SLC6A13: variants seen among roughly 807,000 people sequenced by gnomAD.
The protein encoded by SLC6A13 is sodium- and chloride-dependent GABA transporter 2.
In SLC6A13, 69 loss-of-function variants were observed where a neutral mutation model predicts 72.9. That is an observed-to-expected ratio of 0.95 (90% confidence interval 0.78 to 1.16). SLC6A13 has a LOEUF of 1.16. Ranked by LOEUF, SLC6A13 falls within the 50% of genes most tolerant of loss-of-function variation. The probability of loss-of-function intolerance (pLI) is 0.00; values close to 1 mark genes in which losing one functional copy is unlikely to be tolerated. For missense variants in SLC6A13, 735 were observed against 760.5 expected, an observed-to-expected ratio of 0.97 and a Z score of 0.39; for synonymous variants, 303 against 303.0, an observed-to-expected ratio of 1.00 and a Z score of 0.00.
intron 5 of SLC6A13, among the ~76,000 whole-genome samples, chr12:237,577 T>A (rs954887310): frequency 1.3e-5 from 2 of 151,802 alleles, no homozygotes; most frequent in African/African-American, 2.4e-5. Flanking sequence ...ACAGCAGGAC[T>A]CTTGCCCTGG....
chr12:241,997 C>T (rs1204358191), intron 4 of SLC6A13, among the ~76,000 whole-genome samples: 5 of 152,182 alleles, frequency 3.3e-5, no homozygotes, highest in African/African-American at 9.7e-5. Context: ...CTACAGTGTT[C>T]GGCACAGTAT....
chr12:236,932 C>T (rs1941953075), intron 6 of SLC6A13: 7 of 493,184 alleles, frequency 1.4e-5, no homozygotes, highest in Non-Finnish European at 2.2e-5. Context: ...GATCAGATTA[C>T]CCTGGAGGTG....
At chr12:244,239 T>C (rs1023543057) in intron 2 of SLC6A13, among the ~76,000 whole-genome samples, 1 of 152,214 alleles carries the variant, frequency 6.6e-6, no homozygotes, top group African/African-American at 2.4e-5. Context: ...CTTTCAGTCA[T>C]TGTTATGGTT....
At chr12:232,144 G>A (rs1429743310) in intron 7 of SLC6A13, among the ~76,000 whole-genome samples, 2 of 152,200 alleles carry the variant, frequency 1.3e-5, no homozygotes, top group Non-Finnish European at 2.9e-5. Flanking sequence ...CTAGTTGTTA[G>A]CTACAAATAG....
chr12:239,393 G>T (rs571518882), intron 4 of SLC6A13, among the ~76,000 whole-genome samples: 3 of 151,898 alleles, frequency 2.0e-5, no homozygotes, highest in African/African-American at 7.3e-5. Flanking sequence ...GTTAGATGCC[G>T]TGCCTCCTCA....
chr12:253,298 G>C (rs140121912), intron 2 of SLC6A13: 1 of 152,330 alleles, frequency 6.6e-6, no homozygotes, highest in East Asian at 1.9e-4. Flanking sequence ...AGCAACAGAA[G>C]AGCGAGGAGC....
intron 3 of SLC6A13, among the ~76,000 whole-genome samples, 168 bp downstream of exon 3, chr12:243,511 G>A (rs1942241954): frequency 1.3e-5 from 2 of 152,200 alleles, no homozygotes; most frequent in African/African-American, 4.8e-5. Flanking sequence ...CCCATTCTCT[G>A]ATAGATCAGC....
At chr12:235,915 G>C (rs963333017) in intron 6 of SLC6A13, among the ~76,000 whole-genome samples, 2 of 152,146 alleles carry the variant, frequency 1.3e-5, no homozygotes, top group South Asian at 4.1e-4. Flanking sequence ...TAAGGACTGA[G>C]ATATGCCCTG....
chr12:231,430 A>G (rs1941704174), intron 7 of SLC6A13, among the ~76,000 whole-genome samples: 1 of 152,136 alleles, frequency 6.6e-6, no homozygotes, highest in Non-Finnish European at 1.5e-5. Context: ...GAATGATCAC[A>G]CTTCCTGGGG....
intron 7 of SLC6A13, among the ~76,000 whole-genome samples, chr12:228,962 T>G (rs566981853): frequency 6.6e-6 from 1 of 152,156 alleles, no homozygotes; most frequent in Admixed American, 6.5e-5. Context: ...AGGGCACCCA[T>G]CCTCTCATCA....
chr12:223,078 C>T lies in SLC6A13; in HGVS notation c.1414+54G>A, dbSNP rs1941283565. 20 of 1,140,498 alleles carry T rather than the reference C, an allele frequency of 1.8e-5. No individual in the cohort carries two copies. The South Asian group carries it at 2.2e-4, about 12-fold the overall frequency. The allele number at this position is 1,140,498 out of a possible 1,614,324, so 70.6% of individuals were successfully genotyped here. A position where few individuals can be genotyped will look rare whatever the true frequency, so the allele number is the denominator to read the frequency against. On this transcript the variant is annotated intron_variant, in intron 12 of 14. Transcript: ENST00000343164. ...GATGTCTGTTTCGTGTCTAAGGACC[C>T]CAAGACCCTTAGACAAGAGGAGGAT...
intron 11 of SLC6A13, among the ~76,000 whole-genome samples, chr12:223,473 G>T (rs1358383387): frequency 1.3e-5 from 2 of 152,184 alleles, no homozygotes; most frequent in Non-Finnish European, 2.9e-5. Flanking sequence ...GCTATTGTTA[G>T]ATTACATCTG....
At chr12:259,644 C>T (rs1264341689) in intron 2 of SLC6A13, 1 of 1,431,582 alleles carries the variant, frequency 7.0e-7, no homozygotes, top group Admixed American at 2.8e-5. Flanking sequence ...TCTACGATGC[C>T]ACGTTATAAT....
intron 9 of SLC6A13, among the ~76,000 whole-genome samples, chr12:225,891 A>G (rs1401753761): frequency 1.3e-5 from 2 of 152,236 alleles, no homozygotes; most frequent in Non-Finnish European, 2.9e-5. Flanking sequence ...ATAGCACTGC[A>G]TGGTGGAAAG....
In SLC6A13 at chr12:259,846, C is replaced by G. The variant is rs751246426; in HGVS notation, c.202+5G>C. On this transcript the variant is annotated splice_donor_5th_base_variant and intron_variant, in intron 2 of 14. Coordinates refer to ENST00000343164, the MANE Select transcript of SLC6A13 (RefSeq NM_016615.5). ...GGTGGGGTGGCACAAGGGCTCTCAT[C>G]TCACCTCCCCCATTTTTGTAGCAGA... The G allele has an allele frequency of 1.2e-6, 2 of 1,614,196 alleles. No homozygotes were observed. The highest frequency in any genetic ancestry group is 2.2e-5 in the South Asian group (2 of 91,088).
In SLC6A13 at chr12:221,533, A is replaced by G; in HGVS notation, c.1529T>C (p.Phe510Ser). 2 of 1,594,740 alleles carry G rather than the reference A, an allele frequency of 1.3e-6. No homozygotes were observed. The highest frequency in any genetic ancestry group is 1.7e-6 in the Non-Finnish European group (2 of 1,169,282). Residue 510 changes from phenylalanine (F) to serine (S), a missense_variant, in exon 14 of 15, where the codon TTC (phenylalanine) becomes TCC (serine). Physicochemically the swap from Phe to Ser is radical, Grantham distance 155 (BLOSUM62 -2). Transcript: ENST00000343164. ...CAGCGGAGTGTACTTTATCAGGGAG[A>G]AGAGAAAGGTGGCCTGAGGGGGAGA... is the stretch of plus-strand genomic sequence containing the variant. Reference protein sequence around the residue: ...TPAVCTATFLFSLIKYTPLTY... With the variant: ...TPAVCTATFLSSLIKYTPLTY...
intron 4 of SLC6A13, 119 bp downstream of exon 4, chr12:242,495 A>C (rs1437004162): frequency 2.6e-6 from 2 of 772,980 alleles, no homozygotes; most frequent in Non-Finnish European, 2.0e-6. Flanking sequence ...TAAGCTCTCC[A>C]TGGTCGACTT....
Position 227,675 on chromosome 12 carries a change from A to C in SLC6A13, c.832-7T>G. Reference sequence around the variant, plus strand: ...TGCCTGCATCCATCCACACCTACAAAGGGGAAGGGCAAGAAAGGTGAACTC... The same window carrying C: ...TGCCTGCATCCATCCACACCTACAACGGGGAAGGGCAAGAAAGGTGAACTC... On this transcript the variant is annotated splice_polypyrimidine_tract_variant and splice_region_variant and intron_variant, in intron 7 of 14. Coordinates refer to ENST00000343164, the MANE Select transcript of SLC6A13 (RefSeq NM_016615.5). The C allele has an allele frequency of 6.3e-7, 1 of 1,594,210 alleles. No individual in the cohort carries two copies. Among genetic ancestry groups the C allele is most frequent in the Non-Finnish European group, 8.6e-7 (1 of 1,168,354 alleles).
intron 7 of SLC6A13, among the ~76,000 whole-genome samples, chr12:232,418 C>G (rs1230001691): frequency 2.0e-5 from 3 of 152,338 alleles, no homozygotes; most frequent in Middle Eastern, 6.8e-3. Context: ...CTTCCCCCTA[C>G]AACTCCTGCT....
Sources: allele counts gnomAD v4.1 joint callset (sites outside exome capture counted in the v4.1 genomes callset), GRCh38; gene constraint gnomAD v4.1.1; transcripts MANE v1.5; gene names NCBI Gene and HGNC (gene_info 2026-07-23, HGNC 2026-07-21).